OSBPL1A: variants seen among roughly 807,000 people sequenced by gnomAD.
The protein encoded by OSBPL1A is oxysterol binding protein like 1A.
Under a neutral mutation model 137.1 loss-of-function variants are expected in OSBPL1A, and 80 were observed. The ratio of observed to expected loss-of-function variants is 0.58; its 90% CI spans 0.49 to 0.70. OSBPL1A has a LOEUF of 0.70. Among genes scored for constraint, OSBPL1A ranks in the 30% least tolerant of loss-of-function variants. The pLI, the probability that OSBPL1A is intolerant of heterozygous loss-of-function variation, is 0.00. For synonymous variants in OSBPL1A, 365 were observed against 389.7 expected, an observed-to-expected ratio of 0.94 and a Z score of 0.75; for missense variants, 970 against 1,129.4, an observed-to-expected ratio of 0.86 and a Z score of 2.02.
At chr18:24,179,300 A>G (rs2086532875) in intron 20 of OSBPL1A, 1 of 163,512 alleles carries the variant, frequency 6.1e-6, no homozygotes, top group Non-Finnish European at 1.3e-5. Flanking sequence ...CCCAGCTAAT[A>G]AACTTTAAAT....
chr18:24,327,111 CTT>C (rs68045251), intron 7 of OSBPL1A, among the ~76,000 whole-genome samples: 7 of 136,968 alleles, frequency 5.1e-5, no homozygotes, highest in African/African-American at 2.7e-5. Context: ...TTTCTTTTTT[CTT>C]TTTTTTTTTT....
chr18:24,388,798 C>G (rs1164000780), intron 1 of OSBPL1A, among the ~76,000 whole-genome samples: 1 of 70,744 alleles, frequency 1.4e-5, no homozygotes, highest in Non-Finnish European at 2.3e-5. Context: ...GAGACTCTGT[C>G]TCAAAAAAAA....
At chr18:24,391,599 C>T (rs527370620) in intron 1 of OSBPL1A, among the ~76,000 whole-genome samples, 53 of 151,212 alleles carry the variant, frequency 3.5e-4, no homozygotes, top group Non-Finnish European at 5.5e-4. Context: ...TGTCATGGTG[C>T]GCACCTATAG....
At position 24,284,175 on chromosome 18, in the gene OSBPL1A, A is replaced by G. The variant is rs556278593; in HGVS notation, c.1175-3227T>C. Among the ~76,000 whole-genome samples, 137 of 152,232 alleles carry G rather than the reference A, an allele frequency of 9.0e-4. 1 individual carries two copies. The highest frequency in any genetic ancestry group is 3.2e-3 in the African/African-American group (131 of 41,528). On this transcript the variant is annotated intron_variant, in intron 14 of 27. Transcript: ENST00000319481. ...AGTGTAGCACATCAGGGTCCATTCAACTCACACTGGCATGCTTCTTATAGA... is the reference window on the plus strand; with the variant it reads ...AGTGTAGCACATCAGGGTCCATTCAGCTCACACTGGCATGCTTCTTATAGA...
chr18:24,178,092 A>T lies in OSBPL1A; in HGVS notation c.2014T>A (p.Ser672Thr). Residue 672 changes from serine to threonine, a missense_variant, in exon 21 of 28, where the codon TCT becomes ACT. Coordinates refer to ENST00000319481, the MANE Select transcript of OSBPL1A (RefSeq NM_080597.4). ...GLNNDFIFHG[S>T]IYPKLKFWGK... Reference sequence around the variant, plus strand: ...CAGAATTTCAGTTTGGGATAGATAGAGCCATGAAAGATGAAGTCATTGTTT... The same window carrying T: ...CAGAATTTCAGTTTGGGATAGATAGTGCCATGAAAGATGAAGTCATTGTTT... 1.2e-6 allele frequency: 2 copies of T among 1,613,840 alleles called. No individual in the cohort carries two copies. Among genetic ancestry groups the T allele is most frequent in the Non-Finnish European group, 1.7e-6 (2 of 1,179,830 alleles).
At chr18:24,282,693 T>C (rs1273234371) in intron 14 of OSBPL1A, among the ~76,000 whole-genome samples, 2 of 152,138 alleles carry the variant, frequency 1.3e-5, no homozygotes, top group African/African-American at 4.8e-5. Context: ...TTTTGTTAAT[T>C]AGACGTTAAG....
intron 16 of OSBPL1A, among the ~76,000 whole-genome samples, chr18:24,233,563 C>T (rs1335006396): frequency 6.6e-6 from 1 of 152,196 alleles, no homozygotes; most frequent in Non-Finnish European, 1.5e-5. Flanking sequence ...ATTTAGAGAA[C>T]TCTGATTCTG....
intron 18 of OSBPL1A, among the ~76,000 whole-genome samples, chr18:24,190,502 A>G (rs2086862735): frequency 6.6e-6 from 1 of 152,178 alleles, no homozygotes; most frequent in East Asian, 1.9e-4. Context: ...TTTACTCAAG[A>G]ACCATTAACT....
At chr18:24,342,110 G>A (rs2146157021) in intron 4 of OSBPL1A, among the ~76,000 whole-genome samples, 1 of 152,256 alleles carries the variant, frequency 6.6e-6, no homozygotes, top group South Asian at 2.1e-4. Flanking sequence ...TTTCTAAAGT[G>A]ATATACCATT....
At chr18:24,183,957 C>A (rs1173884684) in intron 18 of OSBPL1A, among the ~76,000 whole-genome samples, 3 of 152,244 alleles carry the variant, frequency 2.0e-5, no homozygotes, top group Non-Finnish European at 2.9e-5. Flanking sequence ...TAGCTTTGAC[C>A]AAGTTAAACC....
At chr18:24,343,965 T>G (rs2091306432) in intron 4 of OSBPL1A, among the ~76,000 whole-genome samples, 1 of 152,074 alleles carries the variant, frequency 6.6e-6, no homozygotes, top group Non-Finnish European at 1.5e-5. Context: ...TTCATCAAAC[T>G]TTAACTTTTG....
chr18:24,384,496 C>T (rs935138080), intron 1 of OSBPL1A, among the ~76,000 whole-genome samples: 2 of 151,596 alleles, frequency 1.3e-5, no homozygotes, highest in Non-Finnish European at 2.9e-5. Context: ...ATCACTTGAA[C>T]CCGGGAGGTT....
At chr18:24,172,524 A>ACCTC in intron 21 of OSBPL1A, 41 bp from the exon 22 acceptor site, 8 of 1,404,584 alleles carry the variant, frequency 5.7e-6, no homozygotes, top group African/African-American at 1.4e-5. Flanking sequence ...AGTGAGAGGT[A>ACCTC]TCACTTTGTT....
chr18:24,210,877 A>G (rs941304858), intron 17 of OSBPL1A, among the ~76,000 whole-genome samples: 8 of 152,178 alleles, frequency 5.3e-5, no homozygotes, highest in Non-Finnish European at 1.2e-4. Context: ...GCTATTTATC[A>G]AATTTTTAAA....
chr18:24,246,947 A>T (rs1438527939), intron 15 of OSBPL1A, among the ~76,000 whole-genome samples: 1 of 152,214 alleles, frequency 6.6e-6, no homozygotes, highest in Non-Finnish European at 1.5e-5. Context: ...TATGTGATAT[A>T]AGAAAAAAAG....
At chr18:24,347,677 A>AG (rs1421852291) in intron 4 of OSBPL1A, 2 of 151,876 alleles carry the variant, frequency 1.3e-5, no homozygotes, top group Admixed American at 6.6e-5. Flanking sequence ...CCCCGTCTCT[A>AG]CTAAAAATAC....
At chr18:24,240,056 T>G (rs1266045040) in intron 15 of OSBPL1A, among the ~76,000 whole-genome samples, 1 of 151,436 alleles carries the variant, frequency 6.6e-6, no homozygotes, top group Admixed American at 6.6e-5. Flanking sequence ...CCTGAGTAGC[T>G]GGGATTACAG....
chr18:24,277,973 T>G (rs974471726), intron 15 of OSBPL1A, among the ~76,000 whole-genome samples: 2 of 152,364 alleles, frequency 1.3e-5, no homozygotes, highest in South Asian at 2.1e-4. Context: ...TTCCACGCAG[T>G]ATGCTAACAT....
chr18:24,322,300 T>C (rs1178711128), intron 7 of OSBPL1A, among the ~76,000 whole-genome samples: 2 of 151,400 alleles, frequency 1.3e-5, no homozygotes, highest in African/African-American at 4.9e-5. Flanking sequence ...TTTTTTTTTT[T>C]TTAGTAGAGA....
Sources: allele counts gnomAD v4.1 joint callset (sites outside exome capture counted in the v4.1 genomes callset), GRCh38; gene constraint gnomAD v4.1.1; transcripts MANE v1.5; gene names NCBI Gene and HGNC (gene_info 2026-07-23, HGNC 2026-07-21).